Variants in IBA57 observed in about 807,000 individuals in gnomAD.
The protein encoded by IBA57 is iron-sulfur cluster assembly factor IBA57.
A neutral mutation model predicts 20.4 loss-of-function variants in IBA57; 20 were observed. The ratio of observed to expected loss-of-function variants is 0.98; its 90% CI spans 0.69 to 1.42. IBA57 has a LOEUF of 1.42. Among genes scored for constraint, IBA57 ranks in the 40% most tolerant of loss-of-function variants. The pLI is 0.00. For synonymous variants in IBA57, 310 were observed against 233.9 expected (o/e 1.33, Z -2.97); for missense variants, 608 against 499.3 (o/e 1.22, Z -2.07).
intron 1 of IBA57, among the ~76,000 whole-genome samples, chr1:228,166,531 G>A (rs1466242446): frequency 6.6e-6 from 1 of 152,188 alleles, no homozygotes; most frequent in Non-Finnish European, 1.5e-5. Flanking sequence ...CTCCCAAGTG[G>A]GCCATCTGGT....
In IBA57 at chr1:228,175,465, G is replaced by A. The variant is rs1272157001; in HGVS notation, c.1023G>A (p.Val341=). 6.2e-7 allele frequency: 1 copy of A among 1,600,738 alleles called. No individual in the cohort carries two copies. Among genetic ancestry groups the A allele is most frequent in the Non-Finnish European group, 8.5e-7 (1 of 1,172,236 alleles). ...TCAGAGCCTCTGAGGGTGCCCAGGT[G>A]GCCTTAGCCGCATCTGTGCCAGACT... ...LHIRASEGAQ[V]ALAASVPDWW... Residue 341 remains valine (V), a synonymous_variant, in exon 3 of 3, where the codon GTG becomes GTA. Coordinates refer to ENST00000366711, the MANE Select transcript of IBA57 (RefSeq NM_001010867.4).
At chr1:228,174,144 G>T (rs561825896) in intron 1 of IBA57, among the ~76,000 whole-genome samples, 2 of 147,948 alleles carry the variant, frequency 1.4e-5, no homozygotes, top group East Asian at 4.2e-4. Flanking sequence ...GGCGTGGCTC[G>T]CTGTGGGCGT....
At chr1:228,174,520 T>C (rs1395106700) in intron 1 of IBA57, 172 bp from the exon 2 acceptor site, 1 of 534,474 alleles carries the variant, frequency 1.9e-6, no homozygotes, top group South Asian at 3.0e-5. Flanking sequence ...TCCCTGCGTG[T>C]GGTGACCTGG....
intron 1 of IBA57, chr1:228,174,480 G>A (rs1456463794): frequency 2.6e-6 from 1 of 380,862 alleles, no homozygotes. Flanking sequence ...GGCGTGGCTC[G>A]CTGTGGGCGT....
intron 1 of IBA57, chr1:228,171,946 T>A (rs2034934059): frequency 6.6e-6 from 1 of 152,214 alleles, no homozygotes; most frequent in Non-Finnish European, 1.5e-5. Flanking sequence ...CTATAGATTT[T>A]AAAAATACAA....
chr1:228,174,467 G>A (rs868366246), intron 1 of IBA57: 3 of 318,200 alleles, frequency 9.4e-6, no homozygotes, highest in East Asian at 1.0e-4. Context: ...GTGGCTCGCT[G>A]TGGGCGTGGC....
intron 1 of IBA57, among the ~76,000 whole-genome samples, chr1:228,174,055 C>A (rs993244281): frequency 1.3e-5 from 2 of 152,064 alleles, no homozygotes; most frequent in Non-Finnish European, 2.9e-5. Context: ...CTGCGCTGGT[C>A]TCCAAGGTGC....
intron 1 of IBA57, 39 bp downstream of exon 1, chr1:228,166,196 C>T (rs1460501859): frequency 2.2e-6 from 3 of 1,361,490 alleles, no homozygotes; most frequent in Non-Finnish European, 2.9e-6. Context: ...GGCGGGCACC[C>T]AGGGGAGTGG....
chr1:228,166,277 G>A lies in IBA57; in HGVS notation c.341+120G>A, dbSNP rs1193007122. ...GAGGGCGTGGGGGGTGGGCACCCGG[G>A]GAGGGCCGGGATGGGGTGGAAGCTC... On this transcript the variant is annotated intron_variant, in intron 1 of 2. Transcript: ENST00000366711. 12 of 653,450 alleles carry A rather than the reference G, an allele frequency of 1.8e-5. No homozygotes were observed. The East Asian group carries it at 4.5e-4, about 24-fold the overall frequency. 40.5% of individuals were successfully genotyped at this position (653,450 alleles called of 1,614,324 possible).
rs1176269192 is a variant in IBA57 at position 228,179,439 on chromosome 1, A to G, written c.*3926A>G. On this transcript the variant is annotated 3_prime_UTR_variant, in exon 3 of 3. Transcript: ENST00000366711. The stretch of plus-strand genomic sequence containing the variant: ...ATGACCCAAAGTGCAGCACAGAAAG[A>G]CAGAGCTGGAAAATATGAGATGGGA... 4 of 152,232 alleles carry G rather than the reference A, an allele frequency of 2.6e-5. No individual in the cohort carries two copies. The highest frequency in any genetic ancestry group is 5.9e-5 in the Non-Finnish European group (4 of 68,030). The allele number at this position is 152,232 out of a possible 1,614,324, so 9.4% of individuals were successfully genotyped here. A position where few individuals can be genotyped will look rare whatever the true frequency, so the allele number is the denominator to read the frequency against.
intron 1 of IBA57, among the ~76,000 whole-genome samples, chr1:228,169,576 G>A (rs1430774557): frequency 1.3e-5 from 2 of 152,170 alleles, no homozygotes; most frequent in Non-Finnish European, 2.9e-5. Flanking sequence ...GTTTCCATGA[G>A]GGCTCACTCT....
Position 228,165,972 on chromosome 1 carries a change from G to C in IBA57, c.156G>C (p.Arg52=), listed in dbSNP as rs1571913232. The C allele has an allele frequency of 6.6e-7, 1 of 1,517,052 alleles. No individual in the cohort carries two copies. Among genetic ancestry groups the C allele is most frequent in the Non-Finnish European group, 8.8e-7 (1 of 1,140,286 alleles). The allele number at this position is 1,517,052 out of a possible 1,614,324, so 94.0% of individuals were successfully genotyped here. The change falls in exon 1 of 3, where the codon CGG becomes CGC. Residue 52 remains arginine (R), a synonymous_variant. Coordinates refer to ENST00000366711, the MANE Select transcript of IBA57 (RefSeq NM_001010867.4). ...PTAGAAWACF[R]LDGRTLLRVR... is the part of the protein sequence containing the mutation. Reference sequence around the variant, plus strand: ...CCGGAGCGGCCTGGGCCTGCTTCCGGCTGGACGGGCGCACCCTGCTGCGCG... The same window carrying C: ...CCGGAGCGGCCTGGGCCTGCTTCCGCCTGGACGGGCGCACCCTGCTGCGCG...
chr1:228,171,917 T>C (rs2034933547), intron 1 of IBA57: 3 of 152,320 alleles, frequency 2.0e-5, no homozygotes, highest in Non-Finnish European at 4.4e-5. Context: ...TTTTGGTCCA[T>C]CTTTGTCTGC....
intron 1 of IBA57, among the ~76,000 whole-genome samples, chr1:228,167,846 T>C (rs1028827837): frequency 6.6e-6 from 1 of 152,240 alleles, no homozygotes; most frequent in Admixed American, 6.5e-5. Flanking sequence ...TCTAGCTGCT[T>C]TAATTTCTTC....
rs1010225553 is a variant in IBA57 at position 228,175,286 on chromosome 1, GT to G, written c.845del (p.Val282AlafsTer19). On this transcript the variant is annotated frameshift_variant, in exon 3 of 3. Transcript: ENST00000366711. LOFTEE classifies it low-confidence loss of function (END_TRUNC). ...CGTCATCCGCAAGCGCCTCTTCCCT[GT>G]CCGGTTCTTGGACCCCCTTCCCACC... ...MGVIRKRLFP[V>X]RFLDPLPTSG... 5.0e-6 allele frequency: 8 copies of G among 1,612,676 alleles called. No individual in the cohort carries two copies. The African/African-American group carries it at 1.1e-4, about 22-fold the overall frequency.
chr1:228,174,808 CGCACCCGGAGCT>C lies in IBA57; in HGVS notation c.461_472del (p.His154_Leu157del). ...ATCCGGCGGAAGGTCACGGTGGAGC[CGCACCCGGAGCT>C]GCGAGTGTGGGCGGTGTTGCCCAGT... On this transcript the variant is annotated inframe_deletion, in exon 2 of 3. Transcript: ENST00000366711. The C allele has an allele frequency of 6.2e-7, 1 of 1,610,710 alleles. No individual in the cohort carries two copies. Among genetic ancestry groups the C allele is most frequent in the Non-Finnish European group, 8.5e-7 (1 of 1,179,348 alleles).
chr1:228,175,580 G>T lies in IBA57; in HGVS notation c.*67G>T. 3 of 1,497,002 alleles carry T rather than the reference G, an allele frequency of 2.0e-6. No individual in the cohort carries two copies. Among genetic ancestry groups the T allele is most frequent in the Non-Finnish European group, 2.7e-6 (3 of 1,123,474 alleles). The allele number at this position is 1,497,002 out of a possible 1,614,324, so 92.7% of individuals were successfully genotyped here. The stretch of plus-strand genomic sequence containing the variant: ...CCTGGGGCCTTTGGCCTCTGTCCAG[G>T]GTCTTCCCGTCCCATCTGTCTGCTG... On this transcript the variant is annotated 3_prime_UTR_variant, in exon 3 of 3. Transcript: ENST00000366711.
chr1:228,166,132 A>C lies in IBA57; in HGVS notation c.316A>C (p.Thr106Pro). 6.6e-7 allele frequency: 1 copy of C among 1,521,430 alleles called. No individual in the cohort carries two copies. The highest frequency in any genetic ancestry group is 8.8e-7 in the Non-Finnish European group (1 of 1,135,946). 94.2% of individuals were successfully genotyped at this position (1,521,430 alleles called of 1,614,324 possible). Residue 106 changes from threonine (T) to proline (P), a missense_variant, in exon 1 of 3, where the codon ACG becomes CCG. Coordinates refer to ENST00000366711, the MANE Select transcript of IBA57 (RefSeq NM_001010867.4). ...YAHFLNVQGRTLYDVILYGLQ... is the reference protein window; with the variant it reads ...YAHFLNVQGRPLYDVILYGLQ... ...CCACTTCCTGAACGTGCAGGGCCGG[A>C]CGCTCTATGACGTCATCTTGTACGG...
In IBA57 at chr1:228,177,365, C is replaced by T. The variant is rs1388039242; in HGVS notation, c.*1852C>T. 1 of 152,302 alleles carries T rather than the reference C, an allele frequency of 6.6e-6. No homozygotes were observed. Among genetic ancestry groups the T allele is most frequent in the Non-Finnish European group, 1.5e-5 (1 of 68,162 alleles). The allele number at this position is 152,302 out of a possible 1,614,324, so 9.4% of individuals were successfully genotyped here. A position where few individuals can be genotyped will look rare whatever the true frequency, so the allele number is the denominator to read the frequency against. ...TGAGCCAGGAAGGAAGCACTCCACT[C>T]CAGAGTGAGGTGCCGCCTGAGCCAT... On this transcript the variant is annotated 3_prime_UTR_variant, in exon 3 of 3. Transcript: ENST00000366711.
Sources: allele counts gnomAD v4.1 joint callset (sites outside exome capture counted in the v4.1 genomes callset), GRCh38; gene constraint gnomAD v4.1.1; transcripts MANE v1.5; gene names NCBI Gene and HGNC (gene_info 2026-07-23, HGNC 2026-07-21).